Variants in ANO2 observed in about 807,000 individuals in gnomAD.
ANO2 encodes the protein anoctamin-2.
ANO2 carries 101 observed loss-of-function variants against 124.2 expected under a neutral mutation model. That is an observed-to-expected ratio of 0.81 (90% CI 0.69 to 0.96). ANO2 has a LOEUF of 0.96. Ranked by LOEUF, ANO2 falls within the 40% of genes least tolerant of loss-of-function variation. The probability of loss-of-function intolerance (pLI) is 0.00; values close to 1 mark genes in which losing one functional copy is unlikely to be tolerated. For missense variants in ANO2, 1,293 were observed against 1,274.5 expected (o/e 1.01, Z -0.22); for synonymous variants, 486 against 482.5 (o/e 1.01, Z -0.09).
At chr12:5,903,235 G>A (rs935211568) in intron 3 of ANO2, among the ~76,000 whole-genome samples, 9 of 152,040 alleles carry the variant, frequency 5.9e-5, no homozygotes, top group Admixed American at 3.3e-4. Context: ...GGTCATCCCA[G>A]AGGCCAGAAA....
intron 16 of ANO2, among the ~76,000 whole-genome samples, chr12:5,626,075 G>A (rs1331855710): frequency 6.6e-6 from 1 of 152,174 alleles, no homozygotes; most frequent in Non-Finnish European, 1.5e-5. Flanking sequence ...TAAAAGAAGT[G>A]TTAGCAAGTT....
intron 15 of ANO2, 147 bp downstream of exon 15, chr12:5,647,580 A>T (rs1432376499): frequency 2.8e-6 from 2 of 711,662 alleles, no homozygotes; most frequent in African/African-American, 3.5e-5. Context: ...TCACTATCAG[A>T]CAAGATCCTG....
intron 16 of ANO2, among the ~76,000 whole-genome samples, chr12:5,630,961 T>G (rs1945689326): frequency 6.6e-6 from 1 of 152,120 alleles, no homozygotes; most frequent in South Asian, 2.1e-4. Flanking sequence ...CCCAGTCAAC[T>G]CTCCAGCTGT....
chr12:5,615,676 T>C (rs1414823956), intron 16 of ANO2, among the ~76,000 whole-genome samples: 4 of 152,088 alleles, frequency 2.6e-5, no homozygotes, highest in African/African-American at 7.2e-5. Context: ...CCATGAGATT[T>C]TACTTGAACC....
At chr12:5,673,640 T>C (rs564946950) in intron 14 of ANO2, among the ~76,000 whole-genome samples, 2 of 152,326 alleles carry the variant, frequency 1.3e-5, no homozygotes, top group South Asian at 4.1e-4. Flanking sequence ...CTACATTCCA[T>C]TTTAATGGTA....
chr12:5,656,185 CTT>C lies in ANO2; in HGVS notation c.1546-8386_1546-8385del, dbSNP rs1947143628. On this transcript the variant is annotated intron_variant, in intron 14 of 24. Coordinates refer to ENST00000682330, the MANE Select transcript of ANO2 (RefSeq NM_001364791.2). ...TTTAATACCAGCACTTCCCCATACT[CTT>C]TTCCTAGCTAAAAGTGACCACCCAC... Among the ~76,000 whole-genome samples, 3 of 152,186 alleles carry C rather than the reference CTT, an allele frequency of 2.0e-5. No individual in the cohort carries two copies. The South Asian group carries it at 6.2e-4, about 32-fold the overall frequency.
intron 7 of ANO2, among the ~76,000 whole-genome samples, chr12:5,807,665 T>A (rs1953242814): frequency 6.6e-6 from 1 of 152,230 alleles, no homozygotes; most frequent in East Asian, 1.9e-4. Context: ...TCCACCACCA[T>A]CAGGTGAGAA....
intron 3 of ANO2, among the ~76,000 whole-genome samples, chr12:5,877,404 C>T (rs1436587813): frequency 6.6e-6 from 1 of 152,106 alleles, no homozygotes; most frequent in Non-Finnish European, 1.5e-5. Context: ...TTGTTTTAAG[C>T]CAAGAAATTT....
At chr12:5,836,108 C>T (rs1407388086) in intron 4 of ANO2, among the ~76,000 whole-genome samples, 1 of 152,158 alleles carries the variant, frequency 6.6e-6, no homozygotes, top group Non-Finnish European at 1.5e-5. Flanking sequence ...CACTCCTCTC[C>T]GTCTCCACCT....
rs564953130 is a variant in ANO2 at position 5,787,568 on chromosome 12, A to G, written c.1055+11939T>C. ...TCCTCTTCTGTATAATGAGGATGATAGTATCGATCTCGACGGGGTGTTGTG... is the reference window on the plus strand; with the variant it reads ...TCCTCTTCTGTATAATGAGGATGATGGTATCGATCTCGACGGGGTGTTGTG... On this transcript the variant is annotated intron_variant, in intron 10 of 24. Transcript: ENST00000682330. The surrounding 1 kb of genome is among the most constrained non-coding windows in gnomAD (Gnocchi z 4.2). Among the ~76,000 whole-genome samples the G allele has an allele frequency of 1.3e-5, 2 of 152,210 alleles. No homozygotes were observed. Among genetic ancestry groups the G allele is most frequent in the Non-Finnish European group, 2.9e-5 (2 of 68,036 alleles).
Position 5,910,113 on chromosome 12 carries a change from C to G in ANO2, c.534+10927G>C, listed in dbSNP as rs114013507. 7.6e-3 allele frequency among the ~76,000 whole-genome samples: 1,152 copies of G among 152,254 alleles called. 14 individuals are homozygous for G. Among genetic ancestry groups the G allele is most frequent in the African/African-American group, 0.026 (1,089 of 41,546 alleles). On this transcript the variant is annotated intron_variant, in intron 3 of 24. Transcript: ENST00000682330. ...TAAAAATTGGCATAATTTCTAAGTA[C>G]AAATGAGTATAATTTGTTTTCGAGA...
rs140915352 is a variant in ANO2 at position 5,848,680 on chromosome 12, G to A, written c.633+5363C>T. ...GTTTACAGACGCCCCAAGGACCCGC[G>A]CTCTAGGAAGTGGAAGTCCCCAGCA... On this transcript the variant is annotated intron_variant, in intron 4 of 24. Transcript: ENST00000682330. Among the ~76,000 whole-genome samples, 602 of 152,288 alleles carry A rather than the reference G, an allele frequency of 4.0e-3. 1 individual carries two copies. Among genetic ancestry groups the A allele is most frequent in the Admixed American group, 9.5e-3 (145 of 15,298 alleles).
intron 2 of ANO2, 24 bp downstream of exon 2, chr12:5,922,594 CCA>C: frequency 1.4e-6 from 2 of 1,474,778 alleles, no homozygotes; most frequent in African/African-American, 1.4e-5. Context: ...GCCTATCCCC[CCA>C]CCCCACCCCC....
intron 3 of ANO2, among the ~76,000 whole-genome samples, chr12:5,876,248 C>T (rs943864351): frequency 3.3e-5 from 5 of 152,046 alleles, no homozygotes; most frequent in East Asian, 1.9e-4. Context: ...CTTATAAGAC[C>T]GTATTTCTCC....
intron 3 of ANO2, among the ~76,000 whole-genome samples, chr12:5,891,419 C>T (rs968641992): frequency 1.3e-5 from 2 of 152,134 alleles, no homozygotes; most frequent in African/African-American, 4.8e-5. Context: ...TGGCCCCAGA[C>T]ACAGGTGCAG....
chr12:5,923,215 TACAC>T (rs58894851), intron 1 of ANO2, among the ~76,000 whole-genome samples: 2 of 58,690 alleles, frequency 3.4e-5, no homozygotes, highest in Admixed American at 1.5e-4. Context: ...CACACCCACA[TACAC>T]ACACACATGC....
intron 22 of ANO2, among the ~76,000 whole-genome samples, chr12:5,577,571 T>C (rs1410384193): frequency 6.6e-5 from 10 of 152,176 alleles, no homozygotes; most frequent in East Asian, 1.9e-4. Context: ...TAATTAGGGA[T>C]TGTAGCCTGG....
At chr12:5,614,161 A>C (rs1332229184) in intron 17 of ANO2, among the ~76,000 whole-genome samples, 1 of 152,226 alleles carries the variant, frequency 6.6e-6, no homozygotes, top group Non-Finnish European at 1.5e-5. Flanking sequence ...ATCATAAAAA[A>C]TATTTATCAA....
chr12:5,908,712 C>T lies in ANO2; in HGVS notation c.534+12328G>A, dbSNP rs1317785750. The stretch of plus-strand genomic sequence containing the variant: ...GAGAGGTAAGAGAAGATGAGGCCTC[C>T]TAAGTGCATCTGTCCCGCTCAGCAG... On this transcript the variant is annotated intron_variant, in intron 3 of 24. Transcript: ENST00000682330. This position sits in a 1 kb window ranked among gnomAD's most constrained non-coding sequence, Gnocchi z 4.7. Among the ~76,000 whole-genome samples, 1 of 152,186 alleles carries T rather than the reference C, an allele frequency of 6.6e-6. No homozygotes were observed.
Sources: allele counts gnomAD v4.1 joint callset (sites outside exome capture counted in the v4.1 genomes callset), GRCh38; gene constraint gnomAD v4.1.1; non-coding constraint Gnocchi (gnomAD v3.1); transcripts MANE v1.5; gene names NCBI Gene and HGNC (gene_info 2026-07-23, HGNC 2026-07-21).